The following TAL1 variants were observed in gnomAD, a reference collection of about 807,000 sequenced individuals.
TAL1 encodes T-cell acute lymphocytic leukemia protein 1.
TAL1 carries 8 observed loss-of-function variants against 17.9 expected under a neutral mutation model. The ratio of observed to expected loss-of-function variants is 0.45; its 90% CI spans 0.26 to 0.81. The LOEUF is 0.81. TAL1 is among the 30% of genes least tolerant of loss of function. TAL1 has a pLI of 0.17. For missense variants in TAL1, 466 were observed against 486.9 expected (o/e 0.96, Z 0.40); for synonymous variants, 223 against 218.6 (o/e 1.02, Z -0.18).
chr1:47,217,706 T>G, exon 4 of TAL1: 1 of 398,664 alleles, frequency 2.5e-6, no homozygotes, highest in Non-Finnish European at 4.4e-6. Context: ...GTTTGAGTTC[T>G]TAATAAAATA....
chr1:47,218,344 G>A (rs1645540898), exon 4 of TAL1: 1 of 232,964 alleles, frequency 4.3e-6, no homozygotes, highest in Non-Finnish European at 8.5e-6. Flanking sequence ...ATCAATGAAG[G>A]GGCAGTGGTT....
chr1:47,219,042 T>C (rs992505007), exon 4 of TAL1: 6 of 318,658 alleles, frequency 1.9e-5, no homozygotes, highest in East Asian at 4.6e-5. Flanking sequence ...GCAAGTCTCA[T>C]TGGGGAGAAA....
chr1:47,220,326 C>T (rs1425039636), intron 3 of TAL1, 152 bp from the exon 5 acceptor site: 4 of 1,340,382 alleles, frequency 3.0e-6, no homozygotes, highest in Non-Finnish European at 3.8e-6. Context: ...TCCTGTGCTT[C>T]CTCATCTATG....
chr1:47,220,873 A>C (rs1271760883), intron 3 of TAL1, among the ~76,000 whole-genome samples: 1 of 152,258 alleles, frequency 6.6e-6, no homozygotes, highest in Admixed American at 6.5e-5. Flanking sequence ...CGAATATTAA[A>C]AAACAAACAA....
At chr1:47,216,492 G>A (rs535847628) in exon 4 of TAL1, 19 of 230,320 alleles carry the variant, frequency 8.2e-5, no homozygotes, top group Non-Finnish European at 1.6e-4. Context: ...ATCACATACA[G>A]TACAACGTTG....
At chr1:47,226,427 G>C (rs1446002748) in intron 1 of TAL1, among the ~76,000 whole-genome samples, 1 of 152,150 alleles carries the variant, frequency 6.6e-6, no homozygotes, top group Non-Finnish European at 1.5e-5. Context: ...CCAGAAACCC[G>C]GTGCGGATGG....
chr1:47,217,660 G>A (rs1035652173), exon 4 of TAL1: 10 of 398,508 alleles, frequency 2.5e-5, no homozygotes, highest in African/African-American at 1.9e-4. Context: ...CCAAGCCAGA[G>A]TCACATGGCA....
At position 47,219,787 on chromosome 1, in the gene TAL1, G is replaced by A. The variant is rs781499159; in HGVS notation, c.929C>T (p.Pro310Leu). ...ATGGAGGCTGCGGGCCGTGTGCTTG[G>A]GCGCGGGCTCCTCCGTGTAGCTGTC... The change falls in exon 4 of 4, where the codon CCC becomes CTC. Residue 310 changes from proline to leucine, a missense_variant. Pro to Leu is a moderately conservative substitution (Grantham distance 98). Transcript: ENST00000294339. 9 of 1,611,772 alleles carry A rather than the reference G, an allele frequency of 5.6e-6. No homozygotes were observed. In the East Asian group the frequency reaches 1.8e-4, roughly 32 times the overall value.
chr1:47,217,645 A>T (rs1645523760), exon 4 of TAL1: 2 of 398,516 alleles, frequency 5.0e-6, no homozygotes, highest in East Asian at 3.6e-5. Context: ...GCCCTAGGAG[A>T]TAGGCCAAGC....
At chr1:47,220,155 C>T in exon 4 of TAL1, 1 of 1,577,552 alleles carries the variant, frequency 6.3e-7, no homozygotes, top group Non-Finnish European at 8.6e-7. Flanking sequence ...AGATACGCCG[C>T]ACAACTTTGG....
chr1:47,229,707 C>G (rs1017361804), exon 1 of TAL1: 1 of 152,422 alleles, frequency 6.6e-6, no homozygotes, highest in Non-Finnish European at 1.5e-5. Context: ...AGGGAGGTGT[C>G]TACGCGGTTG....
intron 1 of TAL1, chr1:47,227,852 G>T (rs1643935402): frequency 6.6e-6 from 1 of 151,840 alleles, no homozygotes; most frequent in Non-Finnish European, 1.5e-5. Context: ...ACCAACCCCT[G>T]GGAAACATAC....
chr1:47,219,206 A>C, exon 4 of TAL1: 1 of 435,152 alleles, frequency 2.3e-6, no homozygotes, highest in East Asian at 4.0e-5. Context: ...GCATCTGGCA[A>C]GCTGGATGGA....
chr1:47,222,205 T>A (rs781723120), intron 3 of TAL1, among the ~76,000 whole-genome samples: 4 of 152,180 alleles, frequency 2.6e-5, no homozygotes, highest in Non-Finnish European at 2.9e-5. Flanking sequence ...TACTTATGAC[T>A]GCTGTCACAG....
chr1:47,218,847 T>G (rs1404028168), exon 4 of TAL1: 1 of 242,710 alleles, frequency 4.1e-6, no homozygotes, highest in Non-Finnish European at 8.1e-6. Flanking sequence ...CGTACGCCCA[T>G]CAGCACACTG....
chr1:47,219,975 C>T (rs1645586912), exon 4 of TAL1: 6 of 1,590,746 alleles, frequency 3.8e-6, no homozygotes, highest in Non-Finnish European at 5.1e-6. Context: ...TGCCCTCCTC[C>T]TCCTGGTCAT....
chr1:47,221,583 G>C (rs892673983), intron 3 of TAL1, among the ~76,000 whole-genome samples: 2 of 152,204 alleles, frequency 1.3e-5, no homozygotes, highest in Admixed American at 6.5e-5. Context: ...GCACAAGCCA[G>C]GGTCACATAG....
chr1:47,219,778 G>T lies in TAL1; in HGVS notation c.938C>A (p.Thr313Lys), dbSNP rs536520955. 10 of 1,611,450 alleles carry T rather than the reference G, an allele frequency of 6.2e-6. No homozygotes were observed. In the South Asian group the frequency reaches 8.8e-5, roughly 14 times the overall value. ...CATGGCAGGATGGAGGCTGCGGGCCGTGTGCTTGGGCGCGGGCTCCTCCGT... is the reference window on the plus strand; with the variant it reads ...CATGGCAGGATGGAGGCTGCGGGCCTTGTGCTTGGGCGCGGGCTCCTCCGT... The change falls in exon 4 of 4, where the codon ACG (threonine) becomes AAG (lysine). Residue 313 changes from threonine (T) to lysine (K), a missense_variant. Thr to Lys is a moderately conservative substitution (Grantham distance 78). This residue lies in a region of TAL1 where 134 missense variants were observed against 122.0 expected (regional missense o/e 1.10). Transcript: ENST00000294339.
At chr1:47,224,622 C>T (rs1643880463) in intron 2 of TAL1, among the ~76,000 whole-genome samples, 1 of 152,120 alleles carries the variant, frequency 6.6e-6, no homozygotes. Context: ...GCTGTAGATA[C>T]ACAACAGACA....
Sources: gnomAD v4.1 joint callset for allele counts (sites outside exome capture counted in the v4.1 genomes callset) on GRCh38, gnomAD v4.1.1 for gene constraint, gnomAD v4.1.1 regional missense constraint, MANE v1.5 for transcripts, NCBI Gene and HGNC (gene_info 2026-07-23, HGNC 2026-07-21) for gene names.